The following LRRC4C variants were observed in gnomAD, a reference collection of about 807,000 sequenced individuals.
The protein encoded by LRRC4C is leucine rich repeat containing 4C.
In LRRC4C, 5 loss-of-function variants were observed where a neutral mutation model predicts 33.6. The ratio of observed to expected loss-of-function variants is 0.15; its 90% CI spans 0.08 to 0.31. The LOEUF (loss-of-function observed/expected upper bound fraction) is 0.31, where lower values mean the gene tolerates loss of function less well. LRRC4C is among the 10% of genes least tolerant of loss of function. LRRC4C has a pLI of 1.00. For synonymous variants in LRRC4C, 329 were observed against 302.0 expected (o/e 1.09, Z -0.93); for missense variants, 560 against 796.7 (o/e 0.70, Z 3.58).
At chr11:40,522,310 G>T (rs904140233) in intron 3 of LRRC4C, among the ~76,000 whole-genome samples, 1 of 152,224 alleles carries the variant, frequency 6.6e-6, no homozygotes. Flanking sequence ...AATTATAGGC[G>T]TGAGCCCTGG....
intron 1 of LRRC4C, among the ~76,000 whole-genome samples, chr11:41,171,102 C>A (rs1387124017): frequency 6.6e-6 from 1 of 151,936 alleles, no homozygotes; most frequent in East Asian, 1.9e-4. Flanking sequence ...AGTCAGGAAA[C>A]AACAGGTGCT....
At chr11:40,698,729 G>T (rs917632856) in intron 2 of LRRC4C, among the ~76,000 whole-genome samples, 2 of 152,136 alleles carry the variant, frequency 1.3e-5, no homozygotes, top group Non-Finnish European at 2.9e-5. Flanking sequence ...TAAACTCATA[G>T]TTCCACGTGG....
intron 1 of LRRC4C, among the ~76,000 whole-genome samples, chr11:41,076,150 T>G (rs1939134534): frequency 6.6e-6 from 1 of 152,184 alleles, no homozygotes; most frequent in East Asian, 1.9e-4. Context: ...CATTTAATCT[T>G]TATCCTGAAC....
At chr11:41,129,505 T>C (rs1942912408) in intron 1 of LRRC4C, among the ~76,000 whole-genome samples, 1 of 152,012 alleles carries the variant, frequency 6.6e-6, no homozygotes, top group African/African-American at 2.4e-5. Context: ...CTTAATGTTA[T>C]AGTGCCTATT....
At chr11:40,463,575 AT>A (rs1184244733) in intron 3 of LRRC4C, among the ~76,000 whole-genome samples, 2 of 152,134 alleles carry the variant, frequency 1.3e-5, no homozygotes, top group Non-Finnish European at 2.9e-5. Context: ...AAGGCTGGAA[AT>A]AACTCAATGT....
intron 3 of LRRC4C, among the ~76,000 whole-genome samples, chr11:40,343,983 A>C (rs1162663731): frequency 6.6e-6 from 1 of 152,036 alleles, no homozygotes; most frequent in Non-Finnish European, 1.5e-5. Flanking sequence ...ACCAATAATA[A>C]GTTTCAAAAT....
intron 3 of LRRC4C, among the ~76,000 whole-genome samples, chr11:40,401,913 T>C (rs549983219): frequency 2.6e-5 from 4 of 152,204 alleles, no homozygotes; most frequent in African/African-American, 4.8e-5. Context: ...TATATATATG[T>C]AAAATATTAG....
chr11:40,790,687 C>T (rs1181462167), intron 2 of LRRC4C, among the ~76,000 whole-genome samples: 3 of 152,192 alleles, frequency 2.0e-5, no homozygotes, highest in Admixed American at 2.0e-4. Flanking sequence ...ACATATCTTT[C>T]AGGGACTAGA....
chr11:40,684,452 A>G (rs1378099629), intron 2 of LRRC4C, among the ~76,000 whole-genome samples: 3 of 152,028 alleles, frequency 2.0e-5, no homozygotes, highest in Non-Finnish European at 4.4e-5. Context: ...AGGTAAATGC[A>G]TAAAAGATAT....
chr11:41,079,092 A>G (rs1329808454), intron 1 of LRRC4C, among the ~76,000 whole-genome samples: 1 of 152,138 alleles, frequency 6.6e-6, no homozygotes, highest in African/African-American at 2.4e-5. Context: ...ATAAAACCTA[A>G]CACCTTTACG....
chr11:40,886,410 C>CACACACACAG (rs1282733700), intron 2 of LRRC4C, among the ~76,000 whole-genome samples: 1 of 149,126 alleles, frequency 6.7e-6, no homozygotes, highest in Non-Finnish European at 1.5e-5. Context: ...AAATGCTACA[C>CACACACACAG]ACACACACAC....
chr11:40,678,086 G>A (rs1222899303), intron 2 of LRRC4C, among the ~76,000 whole-genome samples: 1 of 151,732 alleles, frequency 6.6e-6, no homozygotes, highest in Non-Finnish European at 1.5e-5. Context: ...TGGGGGTAGG[G>A]TGGGTTCTGC....
intron 1 of LRRC4C, among the ~76,000 whole-genome samples, chr11:41,210,002 G>A (rs984278534): frequency 3.3e-5 from 5 of 152,108 alleles, no homozygotes; most frequent in African/African-American, 4.8e-5. Context: ...TAGAGGAAAC[G>A]CCACGTGAGG....
chr11:40,787,425 T>C (rs757793757), intron 2 of LRRC4C, among the ~76,000 whole-genome samples: 2 of 152,176 alleles, frequency 1.3e-5, no homozygotes, highest in African/African-American at 2.4e-5. Context: ...TATGCGACTA[T>C]GCGAAAAAGA....
At chr11:40,837,025 T>C (rs1952702096) in intron 2 of LRRC4C, among the ~76,000 whole-genome samples, 1 of 152,158 alleles carries the variant, frequency 6.6e-6, no homozygotes, top group African/African-American at 2.4e-5. Flanking sequence ...CCCTAAACTC[T>C]TAAAGAACGG....
At chr11:40,527,030 T>C (rs1956079050) in intron 3 of LRRC4C, among the ~76,000 whole-genome samples, 1 of 152,160 alleles carries the variant, frequency 6.6e-6, no homozygotes, top group South Asian at 2.1e-4. Context: ...AATTATATGC[T>C]TTATGTTCTC....
chr11:40,719,603 C>T (rs550295580), intron 2 of LRRC4C, among the ~76,000 whole-genome samples: 6 of 152,078 alleles, frequency 3.9e-5, no homozygotes, highest in African/African-American at 9.6e-5. Flanking sequence ...GAGGATATAC[C>T]GTGACTGGCT....
chr11:40,688,657 A>C (rs536196743), intron 2 of LRRC4C, among the ~76,000 whole-genome samples: 1 of 152,206 alleles, frequency 6.6e-6, no homozygotes, highest in Non-Finnish European at 1.5e-5. Context: ...ACGTCAGTGG[A>C]AAGGTCAGAG....
intron 1 of LRRC4C, among the ~76,000 whole-genome samples, chr11:41,069,894 T>C (rs189844239): frequency 6.6e-6 from 1 of 152,172 alleles, no homozygotes; most frequent in Admixed American, 6.5e-5. Flanking sequence ...ATTGACATTC[T>C]TCACAGAATT....
Sources: gnomAD v4.1 joint callset for allele counts (sites outside exome capture counted in the v4.1 genomes callset) on GRCh38, gnomAD v4.1.1 for gene constraint, MANE v1.5 for transcripts, NCBI Gene and HGNC (gene_info 2026-07-23, HGNC 2026-07-21) for gene names.